KHDRBS2: variants seen among roughly 807,000 people sequenced by gnomAD.
The protein encoded by KHDRBS2 is KH domain-containing, RNA-binding, signal transduction-associated protein 2.
Under a neutral mutation model 44.3 loss-of-function variants are expected in KHDRBS2, and 26 were observed. The observed-to-expected ratio is 0.59, with a 90% CI of 0.43 to 0.81. KHDRBS2 has a LOEUF of 0.81. Among genes scored for constraint, KHDRBS2 ranks in the 40% least tolerant of loss-of-function variants. The probability of loss-of-function intolerance (pLI) is 0.00; values close to 1 mark genes in which losing one functional copy is unlikely to be tolerated. For synonymous variants in KHDRBS2, 194 were observed against 151.1 expected, an observed-to-expected ratio of 1.28 and a Z score of -2.08; for missense variants, 476 against 433.1, an observed-to-expected ratio of 1.10 and a Z score of -0.88.
chr6:62,021,225 T>C (rs1261505308), intron 3 of KHDRBS2, among the ~76,000 whole-genome samples: 1 of 151,608 alleles, frequency 6.6e-6, no homozygotes, highest in Non-Finnish European at 1.5e-5. Context: ...CATGGACACA[T>C]ACAGGAGAAC....
intron 3 of KHDRBS2, among the ~76,000 whole-genome samples, chr6:62,004,679 A>G (rs909992907): frequency 6.6e-6 from 1 of 152,204 alleles, no homozygotes; most frequent in African/African-American, 2.4e-5. Flanking sequence ...CATCATACTG[A>G]TACCAAAGCC....
At chr6:61,975,389 T>C (rs551825115) in intron 4 of KHDRBS2, among the ~76,000 whole-genome samples, 1 of 152,286 alleles carries the variant, frequency 6.6e-6, no homozygotes, top group African/African-American at 2.4e-5. Context: ...GTATAGAAAC[T>C]TTAGCATTTC....
At chr6:62,250,970 C>T (rs1426615824) in intron 1 of KHDRBS2, among the ~76,000 whole-genome samples, 1 of 151,810 alleles carries the variant, frequency 6.6e-6, no homozygotes. Context: ...AGAAATACTA[C>T]AAAGAATATT....
chr6:62,166,905 AAACAAACAAACAAATG>A (rs1480806071), intron 2 of KHDRBS2, among the ~76,000 whole-genome samples: 9 of 152,086 alleles, frequency 5.9e-5, no homozygotes, highest in African/African-American at 1.9e-4. Flanking sequence ...TCACTGAGTT[AAACAAACAAACAAATG>A]AACAAACAAA....
At chr6:61,781,377 A>C (rs188451113) in intron 6 of KHDRBS2, among the ~76,000 whole-genome samples, 1 of 152,316 alleles carries the variant, frequency 6.6e-6, no homozygotes, top group Admixed American at 6.5e-5. Flanking sequence ...TAAGAAATCT[A>C]ATCTTAAAAA....
intron 2 of KHDRBS2, among the ~76,000 whole-genome samples, chr6:62,050,912 G>A (rs1262888026): frequency 6.6e-5 from 10 of 151,936 alleles, no homozygotes; most frequent in Admixed American, 3.9e-4. Flanking sequence ...CTAGAAGTAC[G>A]GACAAACAAG....
At chr6:61,933,670 G>C (rs1810499584) in intron 4 of KHDRBS2, among the ~76,000 whole-genome samples, 1 of 152,070 alleles carries the variant, frequency 6.6e-6, no homozygotes, top group Non-Finnish European at 1.5e-5. Context: ...GAAAACGGTA[G>C]GCAACTGCAA....
At chr6:62,106,099 T>A (rs1803204397) in intron 2 of KHDRBS2, among the ~76,000 whole-genome samples, 1 of 152,200 alleles carries the variant, frequency 6.6e-6, no homozygotes, top group African/African-American at 2.4e-5. Flanking sequence ...TGAGTGAGTT[T>A]CTTAATCCTG....
chr6:62,107,149 A>T (rs1378555712), intron 2 of KHDRBS2, among the ~76,000 whole-genome samples: 5 of 151,956 alleles, frequency 3.3e-5, no homozygotes, highest in Admixed American at 3.3e-4. Context: ...GAGGAAGTCA[A>T]ATTGTCCCTG....
At chr6:61,961,761 G>A (rs757687990) in intron 4 of KHDRBS2, among the ~76,000 whole-genome samples, 74 of 152,214 alleles carry the variant, frequency 4.9e-4, no homozygotes, top group Admixed American at 1.6e-3. Flanking sequence ...TGAGGTCAAA[G>A]AGAAGTTGCT....
chr6:61,953,562 C>T (rs1168534346), intron 4 of KHDRBS2, among the ~76,000 whole-genome samples: 3 of 152,122 alleles, frequency 2.0e-5, no homozygotes, highest in Non-Finnish European at 4.4e-5. Flanking sequence ...CTCCCTTCAG[C>T]CACAGACTGA....
chr6:62,044,895 ACC>A (rs1308795392), intron 3 of KHDRBS2, among the ~76,000 whole-genome samples: 2 of 152,070 alleles, frequency 1.3e-5, no homozygotes, highest in Non-Finnish European at 2.9e-5. Flanking sequence ...CAACATACAT[ACC>A]CATACATACT....
chr6:61,558,001 C>A, the KHDRBS2 span, among the ~76,000 whole-genome samples: 1 of 152,054 alleles, frequency 6.6e-6, no homozygotes, highest in Non-Finnish European at 1.5e-5. Flanking sequence ...AATTTCTGAT[C>A]TTATATGTTT....
chr6:61,926,753 C>T (rs1809045713), intron 4 of KHDRBS2, among the ~76,000 whole-genome samples: 1 of 152,054 alleles, frequency 6.6e-6, no homozygotes, highest in South Asian at 2.1e-4. Context: ...TAATTTGAAA[C>T]AAGAGTTTTT....
At chr6:61,554,372 A>G in the KHDRBS2 span, among the ~76,000 whole-genome samples, 1 of 151,462 alleles carries the variant, frequency 6.6e-6, no homozygotes, top group African/African-American at 2.4e-5. Context: ...ATTTTTCCCC[A>G]TTCCTTTATT....
intron 4 of KHDRBS2, among the ~76,000 whole-genome samples, chr6:61,901,931 ATATT>A (rs1192914995): frequency 6.6e-6 from 1 of 152,046 alleles, no homozygotes; most frequent in Non-Finnish European, 1.5e-5. Context: ...TTGATGTGAA[ATATT>A]TATTTATTTA....
the KHDRBS2 span, among the ~76,000 whole-genome samples, chr6:61,545,705 A>G: frequency 7.3e-4 from 111 of 152,056 alleles, no homozygotes; most frequent in African/African-American, 2.5e-3. Context: ...CCACCCCAAA[A>G]TTTACTATGT....
chr6:61,684,044 T>G (rs567245376), intron 8 of KHDRBS2, among the ~76,000 whole-genome samples: 1 of 152,058 alleles, frequency 6.6e-6, no homozygotes, highest in East Asian at 1.9e-4. Flanking sequence ...AGGAAAAGTA[T>G]TATTTTTATT....
At chr6:62,063,320 CA>C (rs1186971696) in intron 2 of KHDRBS2, among the ~76,000 whole-genome samples, 1 of 151,078 alleles carries the variant, frequency 6.6e-6, no homozygotes, top group Non-Finnish European at 1.5e-5. Flanking sequence ...GGCAGAGACA[CA>C]ACCGAACAAG....
Sources: allele counts gnomAD v4.1 joint callset (sites outside exome capture counted in the v4.1 genomes callset), GRCh38; gene constraint gnomAD v4.1.1; transcripts MANE v1.5; gene names NCBI Gene and HGNC (gene_info 2026-07-23, HGNC 2026-07-21).